The following GPATCH2L variants were observed in gnomAD, a reference collection of about 807,000 sequenced individuals.
GPATCH2L encodes the protein G patch domain-containing protein 2-like.
A neutral mutation model predicts 57.4 loss-of-function variants in GPATCH2L; 31 were observed. That is an observed-to-expected ratio of 0.54 (90% CI 0.41 to 0.73). The LOEUF (loss-of-function observed/expected upper bound fraction) is 0.73, where lower values mean the gene tolerates loss of function less well. Ranked by LOEUF, GPATCH2L falls within the 30% of genes least tolerant of loss-of-function variation. GPATCH2L has a pLI of 0.00. For synonymous variants in GPATCH2L, 199 were observed against 210.7 expected (o/e 0.94, Z 0.48); for missense variants, 481 against 599.9 (o/e 0.80, Z 2.07).
At chr14:76,195,586 T>C (rs1028959039) in intron 8 of GPATCH2L, among the ~76,000 whole-genome samples, 1 of 152,176 alleles carries the variant, frequency 6.6e-6, no homozygotes, top group Admixed American at 6.6e-5. Flanking sequence ...ATAGTTTTTA[T>C]GAAAAATAAT....
chr14:76,225,756 A>C (rs1001456744), intron 1 of GPATCH2L, among the ~76,000 whole-genome samples: 4 of 152,202 alleles, frequency 2.6e-5, no homozygotes, highest in Admixed American at 2.6e-4. Flanking sequence ...AAAGTATTAC[A>C]AATCAATGAA....
At chr14:76,216,214 G>A (rs1272160874), downstream of GPATCH2L, among the ~76,000 whole-genome samples, 1 of 150,234 alleles carries the variant, frequency 6.7e-6, no homozygotes, top group Non-Finnish European at 1.5e-5. Flanking sequence ...CTTGACCTTG[G>A]CCCTGGGTGG....
chr14:76,194,652 A>G (rs1310063788), intron 8 of GPATCH2L, among the ~76,000 whole-genome samples: 2 of 152,192 alleles, frequency 1.3e-5, no homozygotes, highest in African/African-American at 2.4e-5. Context: ...CTGAGGTTCC[A>G]GTTTTAAGAC....
At chr14:76,185,160 G>T (rs1384909358) in intron 8 of GPATCH2L, among the ~76,000 whole-genome samples, 1 of 152,220 alleles carries the variant, frequency 6.6e-6, no homozygotes, top group Non-Finnish European at 1.5e-5. Flanking sequence ...TGGATATATG[G>T]ATAGTTGGAT....
rs2040459860 is a variant in GPATCH2L at position 76,213,106 on chromosome 14, A to G, written c.*11255A>G. On this transcript the variant is annotated 3_prime_UTR_variant, in exon 10 of 10. Transcript: ENST00000261530. ...AATCTTTTAAAGGCAGGCTAAAAGAATCAAGAAAAATTAATTAGAAAAATG... is the reference window on the plus strand; with the variant it reads ...AATCTTTTAAAGGCAGGCTAAAAGAGTCAAGAAAAATTAATTAGAAAAATG... 6.6e-6 allele frequency: 1 copy of G among 152,184 alleles called. No individual in the cohort carries two copies. 9.4% of individuals were successfully genotyped at this position (152,184 alleles called of 1,614,324 possible). A position where few individuals can be genotyped will look rare whatever the true frequency, so the allele number is the denominator to read the frequency against.
At chr14:76,217,914 A>G (rs1400307680), downstream of GPATCH2L, among the ~76,000 whole-genome samples, 1 of 152,184 alleles carries the variant, frequency 6.6e-6, no homozygotes, top group Non-Finnish European at 1.5e-5. Context: ...GATGTGAAGT[A>G]TTATGCTTGA....
chr14:76,172,655 G>A (rs576129913), intron 4 of GPATCH2L, among the ~76,000 whole-genome samples: 4 of 152,172 alleles, frequency 2.6e-5, no homozygotes, highest in African/African-American at 4.8e-5. Flanking sequence ...CATCACTTAC[G>A]ATATGTGACA....
Position 76,195,867 on chromosome 14 carries a change from T to A in GPATCH2L, c.1194-11T>A. The A allele has an allele frequency of 6.2e-7, 1 of 1,603,970 alleles. No individual in the cohort carries two copies. Among genetic ancestry groups the A allele is most frequent in the Non-Finnish European group, 8.5e-7 (1 of 1,170,866 alleles). ...AAGTTCAAACCATTTTTCTTCTTCT[T>A]ACATCTGCAGACAGGCAAATGTACA... On this transcript the variant is annotated splice_polypyrimidine_tract_variant and intron_variant, in intron 8 of 9. Transcript: ENST00000261530.
At chr14:76,187,611 G>A (rs1219770666) in intron 8 of GPATCH2L, among the ~76,000 whole-genome samples, 1 of 152,046 alleles carries the variant, frequency 6.6e-6, no homozygotes, top group East Asian at 1.9e-4. Context: ...TGTAGTAGGT[G>A]TATATACTTA....
At chr14:76,178,304 T>G in intron 7 of GPATCH2L, 1 of 1,370,898 alleles carries the variant, frequency 7.3e-7, no homozygotes, top group Non-Finnish European at 9.6e-7. Context: ...TGTTGAAGCC[T>G]AAACGTATGG....
At chr14:76,232,007 G>GCAGCCTCACTGCAGC in intron 2 of GPATCH2L, among the ~76,000 whole-genome samples, 2,226 of 78,302 alleles carry the variant, frequency 0.028, 94 homozygotes, top group African/African-American at 0.11. Flanking sequence ...CTCACTGCAG[G>GCAGCCTCACTGCAGC]CTCAAGCAAT....
At chr14:76,182,738 T>C (rs2039623946) in intron 8 of GPATCH2L, among the ~76,000 whole-genome samples, 1 of 152,144 alleles carries the variant, frequency 6.6e-6, no homozygotes, top group South Asian at 2.1e-4. Context: ...AGCTCTTTGT[T>C]TAGATACTGC....
At chr14:76,233,156 A>T (rs977421643) in intron 2 of GPATCH2L, among the ~76,000 whole-genome samples, 1 of 152,230 alleles carries the variant, frequency 6.6e-6, no homozygotes, top group African/African-American at 2.4e-5. Flanking sequence ...GTCAATTCTT[A>T]GGGTAAATTA....
downstream of GPATCH2L, among the ~76,000 whole-genome samples, chr14:76,214,671 A>G (rs891288928): frequency 3.9e-5 from 6 of 152,120 alleles, no homozygotes; most frequent in Non-Finnish European, 7.4e-5. Flanking sequence ...CTCCTAATCT[A>G]GTGACCTCCC....
intron 1 of GPATCH2L, among the ~76,000 whole-genome samples, chr14:76,222,817 G>A (rs577718628): frequency 8.6e-5 from 13 of 152,008 alleles, no homozygotes; most frequent in South Asian, 4.2e-4. Flanking sequence ...TTAGCTGGTC[G>A]TGGTGGCATG....
At chr14:76,229,499 A>T (rs1566829573) in intron 1 of GPATCH2L, among the ~76,000 whole-genome samples, 1 of 152,048 alleles carries the variant, frequency 6.6e-6, no homozygotes, top group Non-Finnish European at 1.5e-5. Flanking sequence ...ACTTTACCAA[A>T]ATCTATTTTC....
downstream of GPATCH2L, among the ~76,000 whole-genome samples, chr14:76,217,381 C>T (rs530559035): frequency 1.4e-4 from 21 of 152,242 alleles, no homozygotes; most frequent in South Asian, 4.1e-3. Context: ...AATAATGCGA[C>T]TGAACTCAGC....
chr14:76,170,394 T>C (rs1028715662), intron 3 of GPATCH2L, among the ~76,000 whole-genome samples: 1 of 152,214 alleles, frequency 6.6e-6, no homozygotes, highest in Non-Finnish European at 1.5e-5. Flanking sequence ...TATTCTTTGT[T>C]GGCAGGAATA....
At chr14:76,167,528 C>T (rs1486338806) in intron 3 of GPATCH2L, among the ~76,000 whole-genome samples, 1 of 152,178 alleles carries the variant, frequency 6.6e-6, no homozygotes, top group Non-Finnish European at 1.5e-5. Context: ...CAAGTAGGCT[C>T]CCCAGTAACT....
Sources: gnomAD v4.1 joint callset for allele counts (sites outside exome capture counted in the v4.1 genomes callset) on GRCh38, gnomAD v4.1.1 for gene constraint, MANE v1.5 for transcripts, NCBI Gene and HGNC (gene_info 2026-07-23, HGNC 2026-07-21) for gene names.